The following TIAL1 variants were observed in gnomAD, a reference collection of about 807,000 sequenced individuals.
The protein encoded by TIAL1 is TIA1 cytotoxic granule associated RNA binding protein like 1, also known as nucleolysin TIAR.
Under a neutral mutation model 59.7 loss-of-function variants are expected in TIAL1, and 7 were observed. The ratio of observed to expected loss-of-function variants is 0.12; its 90% CI spans 0.07 to 0.22. The LOEUF is 0.22. Ranked by LOEUF, TIAL1 falls within the 10% of genes least tolerant of loss-of-function variation. The pLI is 1.00. For synonymous variants in TIAL1, 149 were observed against 146.3 expected (o/e 1.02, Z -0.13); for missense variants, 225 against 462.5 (o/e 0.49, Z 4.71).
chr10:119,587,795 C>T (rs1845644850), intron 2 of TIAL1, among the ~76,000 whole-genome samples: 1 of 152,304 alleles, frequency 6.6e-6, no homozygotes, highest in South Asian at 2.1e-4. Flanking sequence ...ATAATAACTT[C>T]GTGTTCTCGC....
chr10:119,591,125 C>T (rs1323598897), intron 1 of TIAL1, among the ~76,000 whole-genome samples: 1 of 152,022 alleles, frequency 6.6e-6, no homozygotes, highest in Non-Finnish European at 1.5e-5. Flanking sequence ...TTTATTCCAC[C>T]AGGTGTGGTG....
At position 119,586,641 on chromosome 10, in the gene TIAL1, T is replaced by C. The variant is rs1845583411; in HGVS notation, c.129+1511A>G. ...TCAGAGTAAAACCTAAACTATGTCA[T>C]GGACCATAATGTCCTGTGATTCTGA... On this transcript the variant is annotated intron_variant, in intron 2 of 11. Transcript: ENST00000436547. 2.0e-5 allele frequency among the ~76,000 whole-genome samples: 3 copies of C among 152,380 alleles called. No homozygotes were observed. In the South Asian group the frequency reaches 6.2e-4, roughly 32 times the overall value.
At chr10:119,583,768 C>T (rs964963543) in intron 2 of TIAL1, among the ~76,000 whole-genome samples, 17 of 152,104 alleles carry the variant, frequency 1.1e-4, no homozygotes, top group Admixed American at 1.0e-3. Flanking sequence ...AAAGTGGGAT[C>T]GTTAATACTG....
At chr10:119,589,084 G>A (rs1329298658) in intron 1 of TIAL1, among the ~76,000 whole-genome samples, 2 of 152,114 alleles carry the variant, frequency 1.3e-5, no homozygotes, top group Non-Finnish European at 2.9e-5. Flanking sequence ...AGGGTGGAGG[G>A]TTTTTGTTGT....
At chr10:119,588,351 C>CT (rs869281288) in intron 1 of TIAL1, 103 bp from the exon 2 acceptor site, 638 of 210,282 alleles carry the variant, frequency 3.0e-3, no homozygotes, top group East Asian at 6.0e-3. Context: ...TTCTTTCTTT[C>CT]TTTTTTTTTT....
At chr10:119,576,288 A>C (rs1844991277) in intron 11 of TIAL1, among the ~76,000 whole-genome samples, 1 of 152,132 alleles carries the variant, frequency 6.6e-6, no homozygotes, top group Admixed American at 6.5e-5. Context: ...AAAACCATCA[A>C]ACTTTTGAAT....
At chr10:119,585,066 T>C (rs1845490221) in intron 2 of TIAL1, among the ~76,000 whole-genome samples, 1 of 136,230 alleles carries the variant, frequency 7.3e-6, no homozygotes, top group African/African-American at 2.8e-5. Flanking sequence ...AAGGCTGCAG[T>C]GAGCCGAGAT....
intron 1 of TIAL1, among the ~76,000 whole-genome samples, chr10:119,592,792 C>T (rs978215102): frequency 3.3e-5 from 5 of 151,874 alleles, no homozygotes; most frequent in Non-Finnish European, 7.4e-5. Flanking sequence ...CACACACTCA[C>T]TCTCTCTCTC....
rs1484883671 is a variant in TIAL1, at chr10:119,573,982, G to A, written c.*1683C>T. 2.6e-5 allele frequency: 4 copies of A among 152,484 alleles called. No individual in the cohort carries two copies. The highest frequency in any genetic ancestry group is 2.0e-4 in the Admixed American group (3 of 15,274). 9.4% of individuals were successfully genotyped at this position (152,484 alleles called of 1,614,324 possible). On this transcript the variant is annotated 3_prime_UTR_variant, in exon 12 of 12. Coordinates refer to ENST00000436547, the MANE Select transcript of TIAL1 (RefSeq NM_003252.4). Reference sequence around the variant, plus strand: ...TAAAATCATTATTTTAAAGCTAATCGTAAAACTTCAAATGTTTAGAAAACA... The same window carrying A: ...TAAAATCATTATTTTAAAGCTAATCATAAAACTTCAAATGTTTAGAAAACA...
At chr10:119,590,747 AGACAGAGAGAAAGAG>A (rs1845813773) in intron 1 of TIAL1, among the ~76,000 whole-genome samples, 1 of 104,222 alleles carries the variant, frequency 9.6e-6, no homozygotes, top group Admixed American at 9.6e-5. Flanking sequence ...AAAGAGAGAG[AGACAGAGAGAAAGAG>A]AGAAAGAAAG....
chr10:119,580,886 T>G (rs1198774385), intron 5 of TIAL1: 1 of 1,171,938 alleles, frequency 8.5e-7, no homozygotes, highest in Non-Finnish European at 1.1e-6. Flanking sequence ...TAATTGTGAC[T>G]TGGACTTAAG....
rs1328136869 is a variant in TIAL1 at position 119,574,106 on chromosome 10, T to G, written c.*1559A>C. 1 of 152,650 alleles carries G rather than the reference T, an allele frequency of 6.6e-6. No homozygotes were observed. The highest frequency in any genetic ancestry group is 1.5e-5 in the Non-Finnish European group (1 of 68,034). 9.5% of individuals were successfully genotyped at this position (152,650 alleles called of 1,614,324 possible). On this transcript the variant is annotated 3_prime_UTR_variant, in exon 12 of 12. Transcript: ENST00000436547. ...CATTTTGAATACATTGCCAAAACAT[T>G]TGCACTCCCTAGCTCTGACAATTCA...
intron 1 of TIAL1, among the ~76,000 whole-genome samples, chr10:119,593,990 T>G (rs1257105621): frequency 6.6e-6 from 1 of 151,876 alleles, no homozygotes; most frequent in Non-Finnish European, 1.5e-5. Context: ...ACTGTAGAAA[T>G]TCTGAGTACC....
chr10:119,575,260 T>C lies in TIAL1; in HGVS notation c.*405A>G, dbSNP rs979892069. 17 of 174,000 alleles carry C rather than the reference T, an allele frequency of 9.8e-5. No homozygotes were observed. The highest frequency in any genetic ancestry group is 2.9e-4 in the Admixed American group (5 of 16,998). The allele number at this position is 174,000 out of a possible 1,614,324, so 10.8% of individuals were successfully genotyped here. A position where few individuals can be genotyped will look rare whatever the true frequency, so the allele number is the denominator to read the frequency against. On this transcript the variant is annotated 3_prime_UTR_variant, in exon 12 of 12. Coordinates refer to ENST00000436547, the MANE Select transcript of TIAL1 (RefSeq NM_003252.4). The stretch of plus-strand genomic sequence containing the variant: ...TATCAGGATTCAGGATGAACTTATA[T>C]GTGATTCCCAGGTTTTCACGATCCT...
At chr10:119,591,128 G>C (rs1336657697) in intron 1 of TIAL1, among the ~76,000 whole-genome samples, 1 of 152,178 alleles carries the variant, frequency 6.6e-6, no homozygotes, top group East Asian at 1.9e-4. Context: ...ATTCCACCAG[G>C]TGTGGTGGCT....
At chr10:119,584,684 C>G (rs964242422) in intron 2 of TIAL1, among the ~76,000 whole-genome samples, 3 of 152,090 alleles carry the variant, frequency 2.0e-5, no homozygotes, top group Non-Finnish European at 4.4e-5. Context: ...AAAAAATTAG[C>G]TGGGTGTGGT....
chr10:119,580,822 A>T, intron 5 of TIAL1: 3 of 1,240,102 alleles, frequency 2.4e-6, no homozygotes, highest in Non-Finnish European at 3.1e-6. Context: ...AGCCTTCAAG[A>T]TCCTGTCCAT....
At chr10:119,586,773 G>A (rs1392474465) in intron 2 of TIAL1, among the ~76,000 whole-genome samples, 1 of 152,172 alleles carries the variant, frequency 6.6e-6, no homozygotes, top group Non-Finnish European at 1.5e-5. Context: ...CTCAAGACTT[G>A]TATTTGCTGT....
chr10:119,594,015 C>A (rs1277157672), intron 1 of TIAL1, among the ~76,000 whole-genome samples: 1 of 149,594 alleles, frequency 6.7e-6, no homozygotes, highest in Admixed American at 6.7e-5. Context: ...ATGTTCCAGG[C>A]AGTGAACTAA....
Sources: gnomAD v4.1 joint callset for allele counts (sites outside exome capture counted in the v4.1 genomes callset) on GRCh38, gnomAD v4.1.1 for gene constraint, MANE v1.5 for transcripts, NCBI Gene and HGNC (gene_info 2026-07-23, HGNC 2026-07-21) for gene names.